FAM184A: variants seen among roughly 807,000 people sequenced by gnomAD.
FAM184A encodes the protein family with sequence similarity 184 member A.
FAM184A carries 99 observed loss-of-function variants against 143.8 expected under a neutral mutation model. The ratio of observed to expected loss-of-function variants is 0.69; its 90% CI spans 0.58 to 0.81. The LOEUF is 0.81. FAM184A is among the 40% of genes least tolerant of loss of function. The pLI is 0.00. For missense variants in FAM184A, 1,217 were observed against 1,310.5 expected, an observed-to-expected ratio of 0.93 and a Z score of 1.10; for synonymous variants, 427 against 446.4, an observed-to-expected ratio of 0.96 and a Z score of 0.55.
At chr6:119,146,120 T>C (rs1349694477) in intron 1 of FAM184A, among the ~76,000 whole-genome samples, 1 of 152,188 alleles carries the variant, frequency 6.6e-6, no homozygotes, top group Non-Finnish European at 1.5e-5. Context: ...ACCTTCTATT[T>C]ATGACAGGTG....
intron 1 of FAM184A, among the ~76,000 whole-genome samples, chr6:119,085,441 C>T (rs1053633624): frequency 6.6e-6 from 1 of 152,230 alleles, no homozygotes; most frequent in Admixed American, 6.5e-5. Flanking sequence ...AATAATTCCT[C>T]ATCGCCTTCT....
intron 9 of FAM184A, among the ~76,000 whole-genome samples, chr6:118,997,961 C>T (rs1207243604): frequency 6.6e-6 from 1 of 152,144 alleles, no homozygotes; most frequent in Non-Finnish European, 1.5e-5. Context: ...TTTTCAACTG[C>T]TCTTGATAAA....
intron 3 of FAM184A, among the ~76,000 whole-genome samples, chr6:119,022,585 A>G (rs914169353): frequency 1.3e-5 from 2 of 152,186 alleles, no homozygotes; most frequent in African/African-American, 4.8e-5. Context: ...TTAACATTTA[A>G]GTGTTGGGGC....
At chr6:119,041,701 C>T (rs1243280793) in intron 1 of FAM184A, among the ~76,000 whole-genome samples, 1 of 152,172 alleles carries the variant, frequency 6.6e-6, no homozygotes, top group Non-Finnish European at 1.5e-5. Flanking sequence ...CCGCCGCTGA[C>T]TTCCACCCCT....
intron 1 of FAM184A, among the ~76,000 whole-genome samples, chr6:119,142,540 A>C (rs1772282104): frequency 6.6e-6 from 1 of 152,216 alleles, no homozygotes. Flanking sequence ...TGGAACTCAA[A>C]AAAACAAGTA....
At chr6:119,057,782 T>C (rs1267161128) in intron 1 of FAM184A, 3 of 150,768 alleles carry the variant, frequency 2.0e-5, no homozygotes, top group South Asian at 2.1e-4. Context: ...TAAGAGAAAA[T>C]GGCAAAGGAG....
At chr6:119,080,583 A>G (rs1788034290), upstream of FAM184A, among the ~76,000 whole-genome samples, 1 of 152,226 alleles carries the variant, frequency 6.6e-6, no homozygotes, top group African/African-American at 2.4e-5. Flanking sequence ...AGTATCCTTT[A>G]TCCAAAATGC....
chr6:119,079,866 G>T (rs1234307026), upstream of FAM184A, among the ~76,000 whole-genome samples: 2 of 152,204 alleles, frequency 1.3e-5, no homozygotes, highest in Non-Finnish European at 2.9e-5. Context: ...ACTTGAAATT[G>T]GCTCTTTTCC....
chr6:118,979,217 G>GT (rs1330786333), intron 11 of FAM184A, 148 bp downstream of exon 11: 16 of 706,998 alleles, frequency 2.3e-5, no homozygotes, highest in Non-Finnish European at 2.9e-5. Flanking sequence ...TATTCATGTG[G>GT]TAACTTCAAA....
intron 1 of FAM184A, among the ~76,000 whole-genome samples, chr6:119,065,771 TCTC>T (rs944898775): frequency 2.7e-4 from 41 of 152,296 alleles, no homozygotes; most frequent in African/African-American, 9.1e-4. Context: ...ATTTCTCAAA[TCTC>T]CTATCTCTCT....
intron 1 of FAM184A, among the ~76,000 whole-genome samples, chr6:119,085,715 T>G (rs1788200917): frequency 6.6e-6 from 1 of 152,158 alleles, no homozygotes; most frequent in Admixed American, 6.5e-5. Context: ...TGAGACTGGG[T>G]AATTTATAAA....
chr6:119,029,252 T>G (rs893118543), intron 1 of FAM184A, among the ~76,000 whole-genome samples: 1 of 152,170 alleles, frequency 6.6e-6, no homozygotes, highest in Non-Finnish European at 1.5e-5. Flanking sequence ...CAGGAAATGA[T>G]CTGGGAAAGA....
At chr6:118,980,627 CTGTCT>C (rs1329312665) in intron 9 of FAM184A, among the ~76,000 whole-genome samples, 1 of 152,148 alleles carries the variant, frequency 6.6e-6, no homozygotes, top group East Asian at 1.9e-4. Flanking sequence ...CAATGAATAT[CTGTCT>C]TAAGTTTCAA....
At position 119,020,071 on chromosome 6, in the gene FAM184A, T is replaced by C. The variant is rs372823466; in HGVS notation, c.1239A>G (p.Arg413=). ...CTCTTTCCTCTTCAAGTTGAGATAATCTCTCATTGACTCTCGATTTTTCTG... is the reference window on the plus strand; with the variant it reads ...CTCTTTCCTCTTCAAGTTGAGATAACCTCTCATTGACTCTCGATTTTTCTG... The part of the protein sequence containing the change: ...LESEKSRVNE[R]LSQLEEERAF... Residue 413 remains arginine, a synonymous_variant, in exon 4 of 18, where the codon AGA becomes AGG. Coordinates refer to ENST00000338891, the MANE Select transcript of FAM184A (RefSeq NM_024581.6). 18 of 1,610,280 alleles carry C rather than the reference T, an allele frequency of 1.1e-5. No individual in the cohort carries two copies. Among genetic ancestry groups the C allele is most frequent in the Non-Finnish European group, 1.5e-5 (18 of 1,178,992 alleles).
chr6:119,021,214 T>C (rs963666195), intron 3 of FAM184A, among the ~76,000 whole-genome samples: 1 of 152,098 alleles, frequency 6.6e-6, no homozygotes, highest in Non-Finnish European at 1.5e-5. Flanking sequence ...ACAACTATTT[T>C]AGAGGAAGGA....
intron 9 of FAM184A, among the ~76,000 whole-genome samples, chr6:118,987,211 C>T (rs947492342): frequency 3.3e-5 from 5 of 152,162 alleles, no homozygotes; most frequent in Admixed American, 2.0e-4. Context: ...CATACCTATT[C>T]GTTTACATAC....
intron 1 of FAM184A, among the ~76,000 whole-genome samples, chr6:119,110,482 T>C (rs1163210409): frequency 6.6e-6 from 1 of 152,090 alleles, no homozygotes; most frequent in African/African-American, 2.4e-5. Flanking sequence ...ATTTTTTTTT[T>C]AGTTGGGTAC....
At chr6:118,984,609 G>A (rs574066338) in intron 9 of FAM184A, among the ~76,000 whole-genome samples, 2 of 152,314 alleles carry the variant, frequency 1.3e-5, no homozygotes, top group South Asian at 4.1e-4. Context: ...TATGAGACAT[G>A]TCATTAATTA....
rs140834346 is a variant in FAM184A, at chr6:119,046,316, T to G, written c.160-21503A>C. Among the ~76,000 whole-genome samples, 839 of 151,518 alleles carry G rather than the reference T, an allele frequency of 5.5e-3. 13 individuals carry two copies. The highest frequency in any genetic ancestry group is 0.044 in the East Asian group (228 of 5,132). ...TAGGCTCACTGCAATCTCTGCCTCC[T>G]GGGTTCAAGCGATCCTCCTGACTCA... On this transcript the variant is annotated intron_variant, in intron 1 of 17. Coordinates refer to ENST00000338891, the MANE Select transcript of FAM184A (RefSeq NM_024581.6).
Sources: gnomAD v4.1 joint callset for allele counts (sites outside exome capture counted in the v4.1 genomes callset) on GRCh38, gnomAD v4.1.1 for gene constraint, MANE v1.5 for transcripts, NCBI Gene and HGNC (gene_info 2026-07-23, HGNC 2026-07-21) for gene names.